USP31: variants seen among roughly 807,000 people sequenced by gnomAD.
The protein encoded by USP31 is ubiquitin specific peptidase 31.
In USP31, 44 loss-of-function variants were observed where a neutral mutation model predicts 119.4. That is an observed-to-expected ratio of 0.37 (90% CI 0.29 to 0.47). The LOEUF is 0.47. Among genes scored for constraint, USP31 ranks in the 20% least tolerant of loss-of-function variants. USP31 has a pLI of 0.99. For synonymous variants in USP31, 749 were observed against 705.6 expected, an observed-to-expected ratio of 1.06 and a Z score of -0.97; for missense variants, 1,643 against 1,730.2, an observed-to-expected ratio of 0.95 and a Z score of 0.89.
At chr16:23,121,585 C>G (rs146068811) in intron 1 of USP31, among the ~76,000 whole-genome samples, 1 of 152,272 alleles carries the variant, frequency 6.6e-6, no homozygotes, top group East Asian at 1.9e-4. Flanking sequence ...AGTGTGAAAT[C>G]AAAATACGGC....
intron 7 of USP31, among the ~76,000 whole-genome samples, chr16:23,090,092 A>G (rs565033704): frequency 3.9e-5 from 6 of 152,348 alleles, no homozygotes; most frequent in Non-Finnish European, 8.8e-5. Flanking sequence ...GACTTTTAAA[A>G]CTAGACTCCT....
intron 6 of USP31, among the ~76,000 whole-genome samples, chr16:23,100,778 G>A (rs1252480687): frequency 6.6e-6 from 1 of 152,110 alleles, no homozygotes; most frequent in Non-Finnish European, 1.5e-5. Context: ...CGAATAATGA[G>A]TGCTTAGAGC....
At chr16:23,130,764 A>G (rs960650790) in intron 1 of USP31, among the ~76,000 whole-genome samples, 11 of 152,128 alleles carry the variant, frequency 7.2e-5, no homozygotes, top group Non-Finnish European at 1.6e-4. Flanking sequence ...ACTATCACCC[A>G]CCACCCCAGA....
chr16:23,134,431 C>T (rs1903123987), intron 1 of USP31, among the ~76,000 whole-genome samples: 1 of 152,070 alleles, frequency 6.6e-6, no homozygotes, highest in African/African-American at 2.4e-5. Context: ...TTCAAAACAG[C>T]CTTATGAAAC....
chr16:23,144,633 C>T (rs1228777816), intron 1 of USP31, among the ~76,000 whole-genome samples: 2 of 152,058 alleles, frequency 1.3e-5, no homozygotes, highest in Non-Finnish European at 2.9e-5. Flanking sequence ...GTGTGTGCCA[C>T]CACGCTCGGC....
At position 23,062,691 on chromosome 16, in the gene USP31, ACT is replaced by A. The variant is rs1899894308; in HGVS notation, c.*5353_*5354del. 6.6e-6 allele frequency: 1 copy of A among 152,460 alleles called. No individual in the cohort carries two copies. Among genetic ancestry groups the A allele is most frequent in the Admixed American group, 6.5e-5 (1 of 15,278 alleles). The allele number at this position is 152,460 out of a possible 1,614,324, so 9.4% of individuals were successfully genotyped here. On this transcript the variant is annotated 3_prime_UTR_variant, in exon 16 of 16. Coordinates refer to ENST00000219689, the MANE Select transcript of USP31 (RefSeq NM_020718.4). ...GGACAGATGCAAACCCCGCGGGGACACTCAGCCTGCTCCAGCAACTAAGACCA... is the reference window on the plus strand; with the variant it reads ...GGACAGATGCAAACCCCGCGGGGACACAGCCTGCTCCAGCAACTAAGACCA...
At position 23,148,661 on chromosome 16, in the gene USP31, G is replaced by A. The variant is rs923461881; in HGVS notation, c.610C>T (p.Pro204Ser). 34 of 1,498,144 alleles carry A rather than the reference G, an allele frequency of 2.3e-5. No homozygotes were observed. Among genetic ancestry groups the A allele is most frequent in the Admixed American group, 4.5e-5 (2 of 44,138 alleles). The allele number at this position is 1,498,144 out of a possible 1,614,324, so 92.8% of individuals were successfully genotyped here. Residue 204 changes from proline (P) to serine (S), a missense_variant, in exon 1 of 16, where the codon CCG becomes TCG. By Grantham distance (74) the Pro-to-Ser change is moderately conservative. Around this residue, in one of 5 missense-constraint regions of USP31, gnomAD observed 144 missense variants for 218.0 expected, o/e 0.66. Transcript: ENST00000219689. The part of the protein sequence containing the change: ...VRALWTLEYT[P>S]QHSRDFKTIV... ...ACCTTGAAGTCGCGGCTGTGCTGCGGGGTGTACTCCAGGGTCCAGAGGGCC... is the reference window on the plus strand; with the variant it reads ...ACCTTGAAGTCGCGGCTGTGCTGCGAGGTGTACTCCAGGGTCCAGAGGGCC...
intron 6 of USP31, among the ~76,000 whole-genome samples, chr16:23,099,287 T>C (rs1901748250): frequency 6.6e-6 from 1 of 152,104 alleles, no homozygotes; most frequent in African/African-American, 2.4e-5. Context: ...GCACACCAAT[T>C]AGAATGGCAA....
intron 1 of USP31, among the ~76,000 whole-genome samples, chr16:23,140,317 G>C (rs1903317302): frequency 6.6e-6 from 1 of 152,154 alleles, no homozygotes. Context: ...GCAGTATCTG[G>C]AGACATTTTT....
intron 1 of USP31, among the ~76,000 whole-genome samples, chr16:23,136,681 G>C (rs902814419): frequency 4.6e-5 from 7 of 150,756 alleles, no homozygotes. Context: ...TTTTGTGCCT[G>C]AAAAGGCACT....
chr16:23,136,661 A>C (rs1903201919), intron 1 of USP31, among the ~76,000 whole-genome samples: 1 of 152,122 alleles, frequency 6.6e-6, no homozygotes, highest in Admixed American at 6.5e-5. Flanking sequence ...CTCAAAAAAA[A>C]AAAAAAAACT....
At chr16:23,122,820 G>C (rs191092017) in intron 1 of USP31, among the ~76,000 whole-genome samples, 1 of 152,204 alleles carries the variant, frequency 6.6e-6, no homozygotes, top group African/African-American at 2.4e-5. Flanking sequence ...CTGCTAATGA[G>C]TATGGGGTTT....
chr16:23,085,087 G>T, intron 10 of USP31, 98 bp from the exon 11 acceptor site: 1 of 1,444,648 alleles, frequency 6.9e-7, no homozygotes, highest in Non-Finnish European at 9.2e-7. Flanking sequence ...ACTCATAACC[G>T]AAGGAAAAAA....
chr16:23,121,661 C>T (rs999541470), intron 1 of USP31, among the ~76,000 whole-genome samples: 8 of 152,204 alleles, frequency 5.3e-5, no homozygotes, highest in African/African-American at 1.9e-4. Context: ...GCTGTTCTCC[C>T]TCACTACTAA....
rs1408954342 is a variant in USP31, at chr16:23,067,249, T to C, written c.*797A>G. 6.5e-6 allele frequency: 1 copy of C among 152,698 alleles called. No individual in the cohort carries two copies. The highest frequency in any genetic ancestry group is 1.5e-5 in the Non-Finnish European group (1 of 68,066). The allele number at this position is 152,698 out of a possible 1,614,324, so 9.5% of individuals were successfully genotyped here. A position where few individuals can be genotyped will look rare whatever the true frequency, so the allele number is the denominator to read the frequency against. Reference sequence around the variant, plus strand: ...AAGGAAAAAAAATTAAACGAGTGACTGGCTTTCTGGCTATCCAATCTGCCA... The same window carrying C: ...AAGGAAAAAAAATTAAACGAGTGACCGGCTTTCTGGCTATCCAATCTGCCA... On this transcript the variant is annotated 3_prime_UTR_variant, in exon 16 of 16. Transcript: ENST00000219689.
intron 1 of USP31, among the ~76,000 whole-genome samples, chr16:23,136,797 C>A (rs1341917220): frequency 1.3e-5 from 2 of 152,138 alleles, no homozygotes; most frequent in Non-Finnish European, 1.5e-5. Context: ...TTCATCACCA[C>A]CACTAACAAA....
intron 1 of USP31, among the ~76,000 whole-genome samples, chr16:23,137,634 TATAAC>T (rs1196878205): frequency 2.0e-5 from 3 of 151,590 alleles, no homozygotes; most frequent in South Asian, 2.1e-4. Flanking sequence ...TATATATACA[TATAAC>T]ATAACACATG....
rs1237083179 is a variant in USP31, at chr16:23,067,423, T to C, written c.*623A>G. ...CACAGTCACCCACATGGCACCTTCC[T>C]CTTTAATCCATTTACTGGTGTGCAA... On this transcript the variant is annotated 3_prime_UTR_variant, in exon 16 of 16. Coordinates refer to ENST00000219689, the MANE Select transcript of USP31 (RefSeq NM_020718.4). The C allele has an allele frequency of 2.6e-5, 4 of 152,668 alleles. No individual in the cohort carries two copies. Among genetic ancestry groups the C allele is most frequent in the African/African-American group, 9.6e-5 (4 of 41,452 alleles). The allele number at this position is 152,668 out of a possible 1,614,324, so 9.5% of individuals were successfully genotyped here. A position where few individuals can be genotyped will look rare whatever the true frequency, so the allele number is the denominator to read the frequency against.
intron 11 of USP31, among the ~76,000 whole-genome samples, chr16:23,083,505 G>A (rs1354149191): frequency 1.3e-5 from 2 of 150,810 alleles, no homozygotes; most frequent in Non-Finnish European, 2.9e-5. Context: ...TTCTAGATCA[G>A]TGAGATGTGT....
Sources: allele counts gnomAD v4.1 joint callset (sites outside exome capture counted in the v4.1 genomes callset), GRCh38; gene constraint gnomAD v4.1.1; regional missense constraint gnomAD v4.1.1; transcripts MANE v1.5; gene names NCBI Gene and HGNC (gene_info 2026-07-23, HGNC 2026-07-21).